Variants in DOCK1 observed in about 807,000 individuals in gnomAD.
DOCK1 encodes the protein dedicator of cytokinesis protein 1.
A neutral mutation model predicts 262.7 loss-of-function variants in DOCK1; 138 were observed. That is an observed-to-expected ratio of 0.53 (90% CI 0.46 to 0.61). The LOEUF is 0.61. DOCK1 is among the 20% of genes least tolerant of loss of function. The pLI is 0.00. For missense variants in DOCK1, 1,908 were observed against 2,370.7 expected (o/e 0.80, Z 4.05); for synonymous variants, 866 against 867.4 (o/e 1.00, Z 0.03).
intron 1 of DOCK1, among the ~76,000 whole-genome samples, chr10:126,915,141 A>G (rs914600499): frequency 5.9e-5 from 9 of 152,012 alleles, no homozygotes; most frequent in Non-Finnish European, 1.2e-4. Context: ...ACGTGTTCCT[A>G]TTGATGCTTA....
At chr10:127,279,144 G>A (rs1165366212) in intron 29 of DOCK1, among the ~76,000 whole-genome samples, 2 of 152,248 alleles carry the variant, frequency 1.3e-5, no homozygotes, top group African/African-American at 2.4e-5. Flanking sequence ...CAATAAAATA[G>A]CATTCATGGT....
chr10:126,969,615 A>G (rs1277661218), intron 1 of DOCK1, among the ~76,000 whole-genome samples: 3 of 152,292 alleles, frequency 2.0e-5, no homozygotes, highest in African/African-American at 7.2e-5. Context: ...TAAAAGATCA[A>G]ACACAGACTT....
chr10:127,066,434 G>T (rs1434896290), intron 23 of DOCK1, among the ~76,000 whole-genome samples: 2 of 152,150 alleles, frequency 1.3e-5, no homozygotes, highest in South Asian at 2.1e-4. Flanking sequence ...GTGTTTTCCT[G>T]AAACTCCCAT....
chr10:127,205,986 A>G lies in DOCK1; in HGVS notation c.2848-42022A>G, dbSNP rs189949118. Among the ~76,000 whole-genome samples the G allele has an allele frequency of 2.0e-5, 3 of 152,298 alleles. No homozygotes were observed. The East Asian group carries it at 5.8e-4, about 29-fold the overall frequency. On this transcript the variant is annotated intron_variant, in intron 27 of 51. Transcript: ENST00000623213. Reference sequence around the variant, plus strand: ...TATGACTTATCAACAAGTAAACCTTACCAAATAAATGCTCATTTTGATTAA... The same window carrying G: ...TATGACTTATCAACAAGTAAACCTTGCCAAATAAATGCTCATTTTGATTAA...
rs2135637287 is a variant in DOCK1 at position 127,042,518 on chromosome 10, TG to T, written c.2011-102del. ...TCCCGAATGGCTTTATAGGTAGTGC[TG>T]GGGGCAAAGTGGGTATTTGGAGTAC... On this transcript the variant is annotated intron_variant, in intron 19 of 51. Transcript: ENST00000623213. The T allele has an allele frequency of 1.5e-5, 15 of 1,012,752 alleles. No individual in the cohort carries two copies. In the South Asian group the frequency reaches 1.7e-4, roughly 11 times the overall value. The allele number at this position is 1,012,752 out of a possible 1,614,324, so 62.7% of individuals were successfully genotyped here.
intron 16 of DOCK1, among the ~76,000 whole-genome samples, chr10:127,026,985 T>C (rs2042910448): frequency 6.6e-6 from 1 of 152,260 alleles, no homozygotes; most frequent in Non-Finnish European, 1.5e-5. Flanking sequence ...AAATTAATTG[T>C]CAACTAAAGC....
At chr10:127,234,196 C>T (rs141790647) in intron 27 of DOCK1, among the ~76,000 whole-genome samples, 1 of 152,168 alleles carries the variant, frequency 6.6e-6, no homozygotes, top group East Asian at 1.9e-4. Flanking sequence ...AGGAGTAAGT[C>T]TAGAAGCAGA....
At chr10:127,368,445 C>G (rs1301749533) in intron 33 of DOCK1, among the ~76,000 whole-genome samples, 1 of 152,136 alleles carries the variant, frequency 6.6e-6, no homozygotes, top group African/African-American at 2.4e-5. Flanking sequence ...AGCTGGCCAA[C>G]TCCTCGAGAC....
intron 27 of DOCK1, among the ~76,000 whole-genome samples, chr10:127,238,418 C>T (rs923140707): frequency 2.6e-5 from 4 of 152,142 alleles, no homozygotes; most frequent in Non-Finnish European, 5.9e-5. Context: ...GGTTTCAGTG[C>T]CCATTGAGGA....
At chr10:126,953,124 G>A (rs1227338213) in intron 1 of DOCK1, among the ~76,000 whole-genome samples, 2 of 151,954 alleles carry the variant, frequency 1.3e-5, no homozygotes, top group Non-Finnish European at 2.9e-5. Context: ...GATGGTGGTG[G>A]TGGAAGTATT....
intron 2 of DOCK1, among the ~76,000 whole-genome samples, chr10:126,975,303 C>T (rs1207745534): frequency 6.6e-6 from 1 of 152,158 alleles, no homozygotes; most frequent in Non-Finnish European, 1.5e-5. Flanking sequence ...CTGCCCTGAG[C>T]ATCCCATGTC....
At chr10:127,134,472 T>G (rs1237315544) in intron 27 of DOCK1, among the ~76,000 whole-genome samples, 1 of 152,154 alleles carries the variant, frequency 6.6e-6, no homozygotes, top group African/African-American at 2.4e-5. Context: ...TCCCCATTTA[T>G]CTTCTGCTGG....
intron 4 of DOCK1, among the ~76,000 whole-genome samples, chr10:126,983,248 C>T (rs945446262): frequency 2.2e-4 from 33 of 152,170 alleles, no homozygotes; most frequent in African/African-American, 6.8e-4. Flanking sequence ...TCCCTTGCCA[C>T]GGCCACTCAA....
chr10:127,026,234 A>G (rs1056977871), intron 15 of DOCK1, 118 bp from the exon 16 acceptor site: 1 of 1,005,018 alleles, frequency 1.0e-6, no homozygotes, highest in South Asian at 1.4e-5. Flanking sequence ...GGTGTACAGT[A>G]TTTTCACCAC....
chr10:127,163,380 G>A (rs2053763530), intron 27 of DOCK1, among the ~76,000 whole-genome samples: 1 of 152,014 alleles, frequency 6.6e-6, no homozygotes, highest in African/African-American at 2.4e-5. Flanking sequence ...TAGCTATTTC[G>A]CTTTCCCTGT....
chr10:127,093,245 T>TC (rs1402479133), intron 23 of DOCK1, among the ~76,000 whole-genome samples: 73 of 132,434 alleles, frequency 5.5e-4, no homozygotes, highest in African/African-American at 2.0e-3. Flanking sequence ...CTTTCTTCTT[T>TC]TTTTTTTTTT....
At chr10:127,402,331 T>C (rs538704572) in intron 38 of DOCK1, among the ~76,000 whole-genome samples, 1 of 152,298 alleles carries the variant, frequency 6.6e-6, no homozygotes, top group African/African-American at 2.4e-5. Context: ...TACTTTTCCA[T>C]GGTTTTCTCC....
intron 43 of DOCK1, 126 bp downstream of exon 43, chr10:127,411,050 A>G (rs554321428): frequency 2.2e-6 from 2 of 922,112 alleles, no homozygotes; most frequent in Non-Finnish European, 3.2e-6. Flanking sequence ...TTTGTGTATT[A>G]TGTGCAGAAA....
chr10:127,255,220 C>A (rs1014541910), intron 28 of DOCK1, among the ~76,000 whole-genome samples: 2 of 151,910 alleles, frequency 1.3e-5, no homozygotes, highest in African/African-American at 4.8e-5. Context: ...GGTAATATAG[C>A]AAGATGCCAT....
Sources: gnomAD v4.1 joint callset for allele counts (sites outside exome capture counted in the v4.1 genomes callset) on GRCh38, gnomAD v4.1.1 for gene constraint, MANE v1.5 for transcripts, NCBI Gene and HGNC (gene_info 2026-07-23, HGNC 2026-07-21) for gene names.